Variants in CDH2 observed in about 807,000 individuals in gnomAD.
The protein encoded by CDH2 is cadherin 2.
A neutral mutation model predicts 92.0 loss-of-function variants in CDH2; 17 were observed. The ratio of observed to expected loss-of-function variants is 0.18; its 90% confidence interval spans 0.13 to 0.28. The LOEUF is 0.28. Ranked by LOEUF, CDH2 falls within the 10% of genes least tolerant of loss-of-function variation. CDH2 has a pLI of 1.00. For missense variants in CDH2, 862 were observed against 1,133.1 expected, an observed-to-expected ratio of 0.76 and a Z score of 3.44; for synonymous variants, 419 against 415.9, an observed-to-expected ratio of 1.01 and a Z score of -0.09.
intron 7 of CDH2, among the ~76,000 whole-genome samples, chr18:27,994,755 T>C (rs1327956914): frequency 6.6e-6 from 1 of 152,044 alleles, no homozygotes; most frequent in African/African-American, 2.4e-5. Flanking sequence ...ACACAAATTG[T>C]AGCTTTTGAT....
chr18:28,080,570 T>C (rs926004304), intron 2 of CDH2, among the ~76,000 whole-genome samples: 1 of 152,210 alleles, frequency 6.6e-6, no homozygotes, highest in Non-Finnish European at 1.5e-5. Flanking sequence ...TATCAAAAAA[T>C]GCTGAAATAA....
At chr18:28,174,377 C>A (rs2016507157) in intron 1 of CDH2, among the ~76,000 whole-genome samples, 1 of 152,190 alleles carries the variant, frequency 6.6e-6, no homozygotes, top group Non-Finnish European at 1.5e-5. Context: ...TTTCTAATCT[C>A]AGTTGTACAA....
At chr18:28,125,506 C>A (rs2015662277) in intron 2 of CDH2, among the ~76,000 whole-genome samples, 1 of 151,954 alleles carries the variant, frequency 6.6e-6, no homozygotes, top group Non-Finnish European at 1.5e-5. Context: ...AATGGCAAAC[C>A]TAATCCAAAA....
downstream of CDH2, among the ~76,000 whole-genome samples, chr18:27,949,358 C>G (rs1262943664): frequency 6.6e-6 from 1 of 151,952 alleles, no homozygotes; most frequent in Non-Finnish European, 1.5e-5. Flanking sequence ...CTCCAAGACT[C>G]TACTAGTACT....
Position 28,006,109 on chromosome 18 carries a change from C to A in CDH2, c.703-116G>T, listed in dbSNP as rs887431313. 4 of 771,402 alleles carry A rather than the reference C, an allele frequency of 5.2e-6. No homozygotes were observed. The South Asian group carries it at 8.2e-5, about 16-fold the overall frequency. 47.8% of individuals were successfully genotyped at this position (771,402 alleles called of 1,614,324 possible). On this transcript the variant is annotated intron_variant, in intron 5 of 15. Coordinates refer to ENST00000269141, the MANE Select transcript of CDH2 (RefSeq NM_001792.5). Reference sequence around the variant, plus strand: ...TAAACTCACAGCTGAAAAACAAAAGCGGTTCTTCCCATCAAAATTTAAGTT... The same window carrying A: ...TAAACTCACAGCTGAAAAACAAAAGAGGTTCTTCCCATCAAAATTTAAGTT...
intron 5 of CDH2, among the ~76,000 whole-genome samples, chr18:28,008,561 C>A (rs1047223494): frequency 2.0e-5 from 3 of 151,900 alleles, no homozygotes; most frequent in African/African-American, 7.3e-5. Context: ...CACTTAGACA[C>A]AGGGTGGAGA....
chr18:28,002,334 C>T (rs1323489857), intron 7 of CDH2, among the ~76,000 whole-genome samples: 1 of 152,146 alleles, frequency 6.6e-6, no homozygotes, highest in Non-Finnish European at 1.5e-5. Flanking sequence ...AAAGAAGTAC[C>T]CATTCCATCT....
intron 2 of CDH2, among the ~76,000 whole-genome samples, chr18:28,037,195 CATAA>C (rs1021502275): frequency 1.3e-5 from 2 of 152,106 alleles, no homozygotes; most frequent in African/African-American, 2.4e-5. Context: ...TACAAAATCT[CATAA>C]ATAAAGAAAT....
chr18:28,089,285 TAA>T (rs1425770785), intron 2 of CDH2, among the ~76,000 whole-genome samples: 2 of 152,110 alleles, frequency 1.3e-5, no homozygotes, highest in Non-Finnish European at 1.5e-5. Flanking sequence ...GGACCTCAAA[TAA>T]AAGAGTGATA....
At chr18:27,954,794 A>G (rs1486398410) in intron 15 of CDH2, among the ~76,000 whole-genome samples, 1 of 152,190 alleles carries the variant, frequency 6.6e-6, no homozygotes, top group East Asian at 1.9e-4. Flanking sequence ...ATTGCAATGT[A>G]TTCTGCTAAC....
At chr18:28,051,944 G>A (rs755438757) in intron 2 of CDH2, among the ~76,000 whole-genome samples, 3 of 152,052 alleles carry the variant, frequency 2.0e-5, no homozygotes, top group East Asian at 1.9e-4. Context: ...ATTCTGCCAC[G>A]CATGTTTTAT....
intron 1 of CDH2, among the ~76,000 whole-genome samples, chr18:28,157,112 A>T (rs781149241): frequency 3.3e-5 from 5 of 152,206 alleles, no homozygotes; most frequent in Non-Finnish European, 7.3e-5. Context: ...ATAATGGCCC[A>T]GGCAGCTGTG....
intron 2 of CDH2, among the ~76,000 whole-genome samples, chr18:28,046,073 T>C (rs2014069158): frequency 6.6e-6 from 1 of 152,208 alleles, no homozygotes; most frequent in South Asian, 2.1e-4. Flanking sequence ...ATAAAGCTGA[T>C]GCATCATTCC....
rs1011678246 is a variant in CDH2, at chr18:28,176,875, C to G, written c.60+88G>C. On this transcript the variant is annotated intron_variant, in intron 1 of 15. Coordinates refer to ENST00000269141, the MANE Select transcript of CDH2 (RefSeq NM_001792.5). Reference sequence around the variant, plus strand: ...CACCTCCCTTCCCGGGTGCGCAGCCCGGCCCCGCAGCGGCGCGGGGAACAA... The same window carrying G: ...CACCTCCCTTCCCGGGTGCGCAGCCGGGCCCCGCAGCGGCGCGGGGAACAA... 3 of 704,640 alleles carry G rather than the reference C, an allele frequency of 4.3e-6. No homozygotes were observed. The Admixed American group carries it at 1.7e-4, about 40-fold the overall frequency. The allele number at this position is 704,640 out of a possible 1,614,324, so 43.6% of individuals were successfully genotyped here. A position where few individuals can be genotyped will look rare whatever the true frequency, so the allele number is the denominator to read the frequency against.
intron 2 of CDH2, among the ~76,000 whole-genome samples, chr18:28,033,630 G>A (rs1599050123): frequency 6.6e-6 from 1 of 152,174 alleles, no homozygotes; most frequent in East Asian, 1.9e-4. Flanking sequence ...ATATTAATAT[G>A]AGGAAGACCA....
intron 2 of CDH2, among the ~76,000 whole-genome samples, chr18:28,028,985 C>A (rs373183906): frequency 1.3e-5 from 2 of 152,068 alleles, no homozygotes; most frequent in African/African-American, 4.8e-5. Context: ...TCACTGATGC[C>A]TTATTATTTG....
Position 28,176,984 on chromosome 18 carries a change from C to G in CDH2, c.39G>C (p.Pro13=). ...RIAGALRTLL[P]LLAALLQASV... is the part of the protein sequence containing the mutation. ...GTACCTGAAGCAGGGCCGCCAGCAG[C>G]GGCAGCAGGGTCCGCAGCGCTCCCG... Residue 13 remains proline (P), a synonymous_variant, in exon 1 of 16, where the codon CCG becomes CCC. Transcript: ENST00000269141. 1 of 1,451,540 alleles carries G rather than the reference C, an allele frequency of 6.9e-7. No individual in the cohort carries two copies. Among genetic ancestry groups the G allele is most frequent in the East Asian group, 3.0e-5 (1 of 33,786 alleles). 89.9% of individuals were successfully genotyped at this position (1,451,540 alleles called of 1,614,324 possible).
At chr18:27,953,073 T>C (rs1002340249) in intron 15 of CDH2, among the ~76,000 whole-genome samples, 9 of 152,226 alleles carry the variant, frequency 5.9e-5, no homozygotes, top group African/African-American at 2.2e-4. Flanking sequence ...AATGTGGAAT[T>C]AATTAATTGT....
intron 2 of CDH2, among the ~76,000 whole-genome samples, chr18:28,027,367 G>C (rs1019130061): frequency 6.6e-6 from 1 of 151,836 alleles, no homozygotes; most frequent in South Asian, 2.1e-4. Context: ...CTACCAAAAA[G>C]TTTTTATTAT....
Sources: gnomAD v4.1 joint callset for allele counts (sites outside exome capture counted in the v4.1 genomes callset) on GRCh38, gnomAD v4.1.1 for gene constraint, MANE v1.5 for transcripts, NCBI Gene and HGNC (gene_info 2026-07-23, HGNC 2026-07-21) for gene names.